Variants in WWOX observed in about 807,000 individuals in gnomAD.
WWOX encodes the protein WW domain-containing oxidoreductase.
A neutral mutation model predicts 46.2 loss-of-function variants in WWOX; 69 were observed. That is an observed-to-expected ratio of 1.49 (90% CI 1.23 to 1.82). The LOEUF (loss-of-function observed/expected upper bound fraction) is 1.82. Among genes scored for constraint, WWOX ranks in the 40% most tolerant of loss-of-function variants. The probability of loss-of-function intolerance (pLI) is 0.00; values close to 1 mark genes in which losing one functional copy is unlikely to be tolerated. For missense variants in WWOX, 919 were observed against 542.6 expected, an observed-to-expected ratio of 1.69 and a Z score of -6.89; for synonymous variants, 359 against 202.6, an observed-to-expected ratio of 1.77 and a Z score of -6.56.
At chr16:78,669,573 C>G (rs1167569064) in intron 8 of WWOX, among the ~76,000 whole-genome samples, 1 of 152,180 alleles carries the variant, frequency 6.6e-6, no homozygotes, top group Non-Finnish European at 1.5e-5. Flanking sequence ...TCAACGTGCC[C>G]AGGTTGAGAA....
intron 8 of WWOX, among the ~76,000 whole-genome samples, chr16:78,660,789 T>C (rs2047191840): frequency 1.3e-5 from 2 of 152,346 alleles, no homozygotes; most frequent in East Asian, 3.9e-4. Flanking sequence ...TTAGCATCAG[T>C]TGCAGATATG....
rs551092356 is a variant in WWOX at position 78,481,992 on chromosome 16, T to C, written c.1056+49240T>C. On this transcript the variant is annotated intron_variant, in intron 8 of 8. Coordinates refer to ENST00000566780, the MANE Select transcript of WWOX (RefSeq NM_016373.4). ...GCTGCCTAGCTGTCTGCATTTCTGA[T>C]AGGTTTTGCTTTCATACACATTTCA... 1.6e-4 allele frequency among the ~76,000 whole-genome samples: 24 copies of C among 152,260 alleles called. 1 individual carries two copies. In the South Asian group the frequency reaches 4.8e-3, roughly 30 times the overall value.
intron 5 of WWOX, among the ~76,000 whole-genome samples, chr16:78,245,950 G>A (rs1174601825): frequency 5.3e-5 from 8 of 152,234 alleles, no homozygotes; most frequent in East Asian, 1.9e-4. Flanking sequence ...CTCTGTTCTC[G>A]TCCGTTCCAT....
At chr16:78,939,724 A>G (rs1597179405) in intron 8 of WWOX, among the ~76,000 whole-genome samples, 2 of 152,240 alleles carry the variant, frequency 1.3e-5, no homozygotes, top group East Asian at 3.8e-4. Flanking sequence ...GTCTACTGGG[A>G]AAAATCCCCA....
intron 8 of WWOX, among the ~76,000 whole-genome samples, chr16:79,010,311 G>C (rs1215855651): frequency 5.3e-5 from 8 of 152,190 alleles, no homozygotes; most frequent in African/African-American, 1.9e-4. Flanking sequence ...GGCGTGTGCT[G>C]AGGGAAGGTG....
At chr16:78,918,218 TAAAAG>T (rs1266117121) in intron 8 of WWOX, among the ~76,000 whole-genome samples, 3 of 151,466 alleles carry the variant, frequency 2.0e-5, no homozygotes, top group South Asian at 2.1e-4. Flanking sequence ...GTCTCAAAGA[TAAAAG>T]AAAGAAAGAA....
intron 8 of WWOX, among the ~76,000 whole-genome samples, chr16:79,137,645 G>A (rs1240769884): frequency 6.6e-6 from 1 of 152,118 alleles, no homozygotes; most frequent in East Asian, 1.9e-4. Context: ...GTGTCAATGT[G>A]TTGGGAAAGA....
chr16:79,137,828 T>G lies in WWOX; in HGVS notation c.1057-73780T>G, dbSNP rs77394895. ...TCCAGGTGTGCCTGCTGGGTCAGGC[T>G]TCTGGCCCCGTCCTGGGGAGGCTGG... is the stretch of plus-strand genomic sequence containing the variant. On this transcript the variant is annotated intron_variant, in intron 8 of 8. Transcript: ENST00000566780. Among the ~76,000 whole-genome samples the G allele has an allele frequency of 1.3e-3, 198 of 152,238 alleles. 2 individuals carry two copies. In the East Asian group the frequency reaches 0.024, roughly 18 times the overall value.
rs77625016 is a variant in WWOX, at chr16:78,707,918, C to T, written c.1056+275166C>T. Among the ~76,000 whole-genome samples, 1,477 of 152,100 alleles carry T rather than the reference C, an allele frequency of 9.7e-3. 24 individuals are homozygous for T. Among genetic ancestry groups the T allele is most frequent in the African/African-American group, 0.034 (1,414 of 41,506 alleles). ...TCTGTCCCCAAGTCACAATGCTATTCGGTTGGTGCAAAAGCAATCGTGGTT... is the reference window on the plus strand; with the variant it reads ...TCTGTCCCCAAGTCACAATGCTATTTGGTTGGTGCAAAAGCAATCGTGGTT... On this transcript the variant is annotated intron_variant, in intron 8 of 8. Transcript: ENST00000566780.
chr16:79,167,697 C>A (rs986628559), intron 8 of WWOX, among the ~76,000 whole-genome samples: 1 of 152,202 alleles, frequency 6.6e-6, no homozygotes, highest in African/African-American at 2.4e-5. Flanking sequence ...CTTCAAAAAC[C>A]CTTGTATCCT....
chr16:78,532,197 A>T (rs2043639502), intron 8 of WWOX, among the ~76,000 whole-genome samples: 1 of 151,716 alleles, frequency 6.6e-6, no homozygotes, highest in African/African-American at 2.4e-5. Context: ...TCATGTTTTT[A>T]TTGAATTACA....
At chr16:78,355,633 C>T (rs1241917860) in intron 5 of WWOX, 4 of 607,670 alleles carry the variant, frequency 6.6e-6, no homozygotes, top group South Asian at 2.9e-5. Flanking sequence ...TGAGAAACGA[C>T]CGAGAGCTTC....
chr16:78,721,253 G>GT (rs112217453), intron 8 of WWOX, among the ~76,000 whole-genome samples: 105,419 of 151,576 alleles, frequency 0.7, 38,011 homozygotes, highest in African/African-American at 0.91. Context: ...AAAAAAAGTA[G>GT]CTTTCATGAT....
At chr16:79,077,157 G>A (rs759537442) in intron 8 of WWOX, among the ~76,000 whole-genome samples, 5 of 152,118 alleles carry the variant, frequency 3.3e-5, no homozygotes, top group Admixed American at 6.5e-5. Context: ...AGAATTAATC[G>A]GAGCTCTAAA....
intron 8 of WWOX, among the ~76,000 whole-genome samples, chr16:78,925,461 C>A (rs921062183): frequency 6.6e-6 from 1 of 152,142 alleles, no homozygotes. Context: ...TAAAAAATGC[C>A]CTCACATTTC....
At chr16:78,325,521 C>T (rs971436901) in intron 5 of WWOX, among the ~76,000 whole-genome samples, 15 of 152,130 alleles carry the variant, frequency 9.9e-5, no homozygotes, top group African/African-American at 2.9e-4. Flanking sequence ...AAGTTACCAC[C>T]GTGATGGAGA....
At position 78,712,415 on chromosome 16, in the gene WWOX, T is replaced by C. The variant is rs1244668299; in HGVS notation, c.1056+279663T>C. 2.0e-5 allele frequency among the ~76,000 whole-genome samples: 3 copies of C among 151,566 alleles called. No homozygotes were observed. In the East Asian group the frequency reaches 5.8e-4, roughly 29 times the overall value. ...TACTTGGGAGGCTGAGGCGGGAGAA[T>C]CGCTTGAACCCAGGAGGCGGAGGTT... On this transcript the variant is annotated intron_variant, in intron 8 of 8. Coordinates refer to ENST00000566780, the MANE Select transcript of WWOX (RefSeq NM_016373.4).
intron 8 of WWOX, among the ~76,000 whole-genome samples, chr16:79,197,615 C>T (rs145006610): frequency 2.0e-5 from 3 of 152,208 alleles, no homozygotes; most frequent in Non-Finnish European, 4.4e-5. Context: ...CTCACTGCCA[C>T]AAACAGGTGG....
chr16:79,082,832 G>A (rs1189113215), intron 8 of WWOX, among the ~76,000 whole-genome samples: 1 of 152,166 alleles, frequency 6.6e-6, no homozygotes, highest in East Asian at 1.9e-4. Flanking sequence ...TACCTTGTGT[G>A]TGCTTACAGA....
Sources: allele counts gnomAD v4.1 joint callset (sites outside exome capture counted in the v4.1 genomes callset), GRCh38; gene constraint gnomAD v4.1.1; transcripts MANE v1.5; gene names NCBI Gene and HGNC (gene_info 2026-07-23, HGNC 2026-07-21).